Variants in DIAPH3 observed in about 807,000 individuals in gnomAD.
DIAPH3 encodes the protein protein diaphanous homolog 3.
A neutral mutation model predicts 144.3 loss-of-function variants in DIAPH3; 117 were observed. That is an observed-to-expected ratio of 0.81 (90% CI 0.70 to 0.95). DIAPH3 has a LOEUF of 0.95. Among genes scored for constraint, DIAPH3 ranks in the 40% least tolerant of loss-of-function variants. The probability of loss-of-function intolerance (pLI) is 0.00; values close to 1 mark genes in which losing one functional copy is unlikely to be tolerated. For missense variants in DIAPH3, 1,421 were observed against 1,412.7 expected (o/e 1.01, Z -0.09); for synonymous variants, 519 against 488.9 (o/e 1.06, Z -0.81).
chr13:59,740,875 C>T (rs1181891131), intron 27 of DIAPH3, among the ~76,000 whole-genome samples: 1 of 151,918 alleles, frequency 6.6e-6, no homozygotes, highest in East Asian at 1.9e-4. Context: ...AAGGTGTAGC[C>T]CCAAAGCATG....
intron 27 of DIAPH3, among the ~76,000 whole-genome samples, chr13:59,716,219 A>G (rs1198014574): frequency 6.6e-6 from 1 of 152,104 alleles, no homozygotes; most frequent in Non-Finnish European, 1.5e-5. Flanking sequence ...TTTTCCGCCC[A>G]GGCCAGAGTG....
intron 17 of DIAPH3, among the ~76,000 whole-genome samples, chr13:59,952,387 T>A (rs2049146700): frequency 6.6e-6 from 1 of 152,184 alleles, no homozygotes; most frequent in African/African-American, 2.4e-5. Context: ...TTTATCACAA[T>A]TTAACAAAAA....
chr13:60,112,049 C>T lies in DIAPH3; in HGVS notation c.351G>A (p.Leu117=), dbSNP rs760155638. The part of the protein sequence containing the change: ...LEMMENFPKP[L]SENELLELFE... ...AAAGTTCTAAGAGTTCATTCTCTGA[C>T]AGTGGCTTTGGAAAGTTCTCCATCA... is the stretch of plus-strand genomic sequence containing the variant. Residue 117 remains leucine (L), a synonymous_variant, in exon 3 of 28, where the codon CTG becomes CTA. Transcript: ENST00000400324. 1.2e-6 allele frequency: 2 copies of T among 1,614,142 alleles called. No individual in the cohort carries two copies. The highest frequency in any genetic ancestry group is 8.5e-7 in the Non-Finnish European group (1 of 1,180,028).
At chr13:60,122,325 A>C (rs61732257) in intron 2 of DIAPH3, among the ~76,000 whole-genome samples, 53 of 152,222 alleles carry the variant, frequency 3.5e-4, no homozygotes, top group African/African-American at 1.3e-3. Context: ...CTCCCAACTT[A>C]AACTACAGCT....
chr13:59,887,303 C>T (rs1267818130), intron 20 of DIAPH3, among the ~76,000 whole-genome samples: 4 of 151,870 alleles, frequency 2.6e-5, no homozygotes, highest in Non-Finnish European at 4.4e-5. Flanking sequence ...ATATTTGATG[C>T]AAAAATATTT....
intron 1 of DIAPH3, 141 bp downstream of exon 1, chr13:60,163,445 CG>C: frequency 8.5e-7 from 1 of 1,175,780 alleles, no homozygotes; most frequent in Non-Finnish European, 1.2e-6. Context: ...CAACTAGACC[CG>C]GTCGTTGTCA....
intron 27 of DIAPH3, among the ~76,000 whole-genome samples, chr13:59,680,871 C>T (rs2032903593): frequency 6.6e-6 from 1 of 152,156 alleles, no homozygotes; most frequent in East Asian, 1.9e-4. Flanking sequence ...ATAATGGAAT[C>T]TAGAAACCTT....
At chr13:59,842,114 A>G (rs1189659212) in intron 22 of DIAPH3, among the ~76,000 whole-genome samples, 5 of 152,128 alleles carry the variant, frequency 3.3e-5, no homozygotes. Context: ...TTGCAATCAC[A>G]AGCAATCCAT....
intron 22 of DIAPH3, among the ~76,000 whole-genome samples, chr13:59,860,250 C>A (rs780118508): frequency 6.6e-5 from 10 of 152,004 alleles, no homozygotes; most frequent in Admixed American, 1.3e-4. Context: ...AATAAAATAT[C>A]CTTCAAGTTG....
At chr13:59,821,214 T>C (rs547346025) in intron 24 of DIAPH3, among the ~76,000 whole-genome samples, 8 of 152,186 alleles carry the variant, frequency 5.3e-5, no homozygotes, top group African/African-American at 1.9e-4. Flanking sequence ...GTCTCCATGT[T>C]TTCCAGGGGA....
chr13:59,763,970 A>G (rs2037746451), intron 27 of DIAPH3, among the ~76,000 whole-genome samples: 1 of 151,990 alleles, frequency 6.6e-6, no homozygotes, highest in African/African-American at 2.4e-5. Context: ...GTAGTACCAG[A>G]AAGCCTGTTC....
At position 59,702,547 on chromosome 13, in the gene DIAPH3, T is replaced by C. The variant is rs1018291473; in HGVS notation, c.3320-35701A>G. On this transcript the variant is annotated intron_variant, in intron 27 of 27. Coordinates refer to ENST00000400324, the MANE Select transcript of DIAPH3 (RefSeq NM_001042517.2). ...ACAAACCTTCCCTGACCTTTCACACTGCACTTACAAAGGCATTACATGACT... is the reference window on the plus strand; with the variant it reads ...ACAAACCTTCCCTGACCTTTCACACCGCACTTACAAAGGCATTACATGACT... Among the ~76,000 whole-genome samples, 4 of 152,314 alleles carry C rather than the reference T, an allele frequency of 2.6e-5. No homozygotes were observed. The South Asian group carries it at 8.3e-4, about 32-fold the overall frequency.
intron 25 of DIAPH3, among the ~76,000 whole-genome samples, chr13:59,791,859 G>A (rs2039343222): frequency 6.6e-6 from 1 of 152,202 alleles, no homozygotes; most frequent in East Asian, 1.9e-4. Context: ...CTGAGACCAG[G>A]AGTATCTGAA....
intron 25 of DIAPH3, among the ~76,000 whole-genome samples, chr13:59,809,646 A>G (rs2040372936): frequency 1.3e-5 from 2 of 152,232 alleles, no homozygotes; most frequent in Non-Finnish European, 2.9e-5. Flanking sequence ...TCATACTTAA[A>G]AATAATTCTG....
rs761037817 is a variant in DIAPH3 at position 59,879,326 on chromosome 13, C to CTA, written c.2508_2509dup (p.Ser837IlefsTer10). On this transcript the variant is annotated frameshift_variant, in exon 21 of 28. Transcript: ENST00000400324. LOFTEE classifies it high-confidence loss of function. ...TAGCAATACAAGTTCCAGCAACTTG[C>CTA]TAAAGCTTTTGCTCTTCTTTATCTC... 3.7e-6 allele frequency: 6 copies of CTA among 1,613,732 alleles called. No individual in the cohort carries two copies. Among genetic ancestry groups the CTA allele is most frequent in the Non-Finnish European group, 5.1e-6 (6 of 1,179,860 alleles).
intron 27 of DIAPH3, among the ~76,000 whole-genome samples, chr13:59,759,813 G>A (rs1247220833): frequency 6.6e-6 from 1 of 152,128 alleles, no homozygotes; most frequent in Non-Finnish European, 1.5e-5. Flanking sequence ...AGGTGTGGTG[G>A]TGTGTGCCTG....
At position 59,991,247 on chromosome 13, in the gene DIAPH3, C is replaced by T; in HGVS notation, c.1272G>A (p.Val424=). Residue 424 remains valine (V), a synonymous_variant, in exon 12 of 28, where the codon GTG becomes GTA. Transcript: ENST00000400324. ...LDEAYDVYNM[V]WSTVKETRAE... ...CTCTAGTTTCTTTAACTGTGCTCCA[C>T]ACCATGTTGTAAACATCATATGCTT... 1 of 1,611,020 alleles carries T rather than the reference C, an allele frequency of 6.2e-7. No homozygotes were observed.
chr13:59,818,464 A>T (rs1240960964), intron 24 of DIAPH3, among the ~76,000 whole-genome samples: 1 of 151,496 alleles, frequency 6.6e-6, no homozygotes, highest in Non-Finnish European at 1.5e-5. Flanking sequence ...TGGGGGTCAT[A>T]TCTTTTCTCT....
At chr13:60,017,330 G>A (rs938687670) in intron 5 of DIAPH3, among the ~76,000 whole-genome samples, 1 of 151,654 alleles carries the variant, frequency 6.6e-6, no homozygotes, top group Non-Finnish European at 1.5e-5. Flanking sequence ...CTTCAACCCA[G>A]GAGGCAGAGG....
Sources: allele counts gnomAD v4.1 joint callset (sites outside exome capture counted in the v4.1 genomes callset), GRCh38; gene constraint gnomAD v4.1.1; transcripts MANE v1.5; gene names NCBI Gene and HGNC (gene_info 2026-07-23, HGNC 2026-07-21).